Variants in SREBF2 observed in about 807,000 individuals in gnomAD.
SREBF2 encodes the protein sterol regulatory element-binding protein 2.
A neutral mutation model predicts 113.1 loss-of-function variants in SREBF2; 55 were observed. The ratio of observed to expected loss-of-function variants is 0.49; its 90% confidence interval spans 0.39 to 0.61. SREBF2 has a LOEUF of 0.61. SREBF2 is among the 20% of genes least tolerant of loss of function. The pLI is 0.00. For missense variants in SREBF2, 1,349 were observed against 1,487.4 expected, an observed-to-expected ratio of 0.91 and a Z score of 1.53; for synonymous variants, 593 against 605.7, an observed-to-expected ratio of 0.98 and a Z score of 0.31.
intron 11 of SREBF2, chr22:41,885,501 G>A (rs1238154716): frequency 5.2e-6 from 1 of 192,934 alleles, no homozygotes; most frequent in Non-Finnish European, 1.1e-5. Context: ...AAAGAAAAAT[G>A]AAATGAATAA....
rs2077502110 is a variant in SREBF2 at position 41,905,671 on chromosome 22, C to T, written c.*11C>T. On this transcript the variant is annotated 3_prime_UTR_variant, in exon 19 of 19. Coordinates refer to ENST00000361204, the MANE Select transcript of SREBF2 (RefSeq NM_004599.4). ...ATTGCCGCCTCCTGACCACCAGGCT[C>T]AGCCCACCCCTCCACCTCTCTCTCG... The T allele has an allele frequency of 3.8e-6, 6 of 1,562,854 alleles. No individual in the cohort carries two copies. The highest frequency in any genetic ancestry group is 2.7e-5 in the African/African-American group (2 of 73,620).
intron 12 of SREBF2, among the ~76,000 whole-genome samples, chr22:41,894,591 C>G (rs1477474116): frequency 6.6e-6 from 1 of 152,136 alleles, no homozygotes; most frequent in Non-Finnish European, 1.5e-5. Context: ...TCCCCCACAC[C>G]CCCTCCCCAC....
At chr22:41,894,312 G>A (rs997606561) in intron 12 of SREBF2, among the ~76,000 whole-genome samples, 7 of 152,156 alleles carry the variant, frequency 4.6e-5, no homozygotes, top group African/African-American at 1.4e-4. Context: ...AGCTATCCAA[G>A]CATTGCAAGG....
intron 1 of SREBF2, among the ~76,000 whole-genome samples, chr22:41,857,367 C>T (rs1485353270): frequency 6.6e-6 from 1 of 152,200 alleles, no homozygotes; most frequent in Non-Finnish European, 1.5e-5. Context: ...CTGCTTTTTC[C>T]TGCAGAGCTG....
In SREBF2 at chr22:41,851,379, A is replaced by G. The variant is rs114632688; in HGVS notation, c.89-15452A>G. Reference sequence around the variant, plus strand: ...ATGTTTAAAAAAAAAAACTATGGAAAGTCGGCATGGTCTGGGCTGCTTGGG... The same window carrying G: ...ATGTTTAAAAAAAAAAACTATGGAAGGTCGGCATGGTCTGGGCTGCTTGGG... On this transcript the variant is annotated intron_variant, in intron 1 of 18. Coordinates refer to ENST00000361204, the MANE Select transcript of SREBF2 (RefSeq NM_004599.4). Among the ~76,000 whole-genome samples the G allele has an allele frequency of 6.7e-3, 1,017 of 151,942 alleles. 13 individuals carry two copies. The highest frequency in any genetic ancestry group is 0.023 in the African/African-American group (941 of 41,490).
At chr22:41,886,012 T>G (rs1021305352) in intron 11 of SREBF2, 6 of 152,356 alleles carry the variant, frequency 3.9e-5, no homozygotes, top group African/African-American at 1.2e-4. Context: ...AAGAGACTCA[T>G]CCCTTGATTC....
Position 41,867,139 on chromosome 22 carries a change from C to G in SREBF2, c.397C>G (p.Pro133Ala), listed in dbSNP as rs201517405. The G allele has an allele frequency of 6.2e-7, 1 of 1,614,180 alleles. No homozygotes were observed. Among genetic ancestry groups the G allele is most frequent in the Non-Finnish European group, 8.5e-7 (1 of 1,180,028 alleles). ...TTPRATPILQPRPQPQPQPQT... is the reference protein window; with the variant it reads ...TTPRATPILQARPQPQPQPQT... ...ACCCAGGGCAACTCCTATTCTTCAGCCCCGCCCCCAGCCCCAGCCTCAACC... is the reference window on the plus strand; with the variant it reads ...ACCCAGGGCAACTCCTATTCTTCAGGCCCGCCCCCAGCCCCAGCCTCAACC... The change falls in exon 2 of 19, where the codon CCC becomes GCC. Residue 133 changes from proline (P) to alanine (A), a missense_variant. Coordinates refer to ENST00000361204, the MANE Select transcript of SREBF2 (RefSeq NM_004599.4).
chr22:41,888,527 G>A (rs572469108), intron 11 of SREBF2, among the ~76,000 whole-genome samples: 16 of 152,058 alleles, frequency 1.1e-4, no homozygotes, highest in Non-Finnish European at 1.9e-4. Flanking sequence ...TTTCTCTTAC[G>A]TCTTGATGTC....
At position 41,839,247 on chromosome 22, in the gene SREBF2, A is replaced by G. The variant is rs118177260; in HGVS notation, c.88+5889A>G. Among the ~76,000 whole-genome samples, 60 of 152,236 alleles carry G rather than the reference A, an allele frequency of 3.9e-4. No homozygotes were observed. The East Asian group carries it at 0.01, about 25-fold the overall frequency. ...GGGGAAATGATGAAAATTTATCTTAATTGTGCTGAAATTGGGGTGCCTGGG... is the reference window on the plus strand; with the variant it reads ...GGGGAAATGATGAAAATTTATCTTAGTTGTGCTGAAATTGGGGTGCCTGGG... On this transcript the variant is annotated intron_variant, in intron 1 of 18. Coordinates refer to ENST00000361204, the MANE Select transcript of SREBF2 (RefSeq NM_004599.4).
chr22:41,865,472 G>C (rs2077066383), intron 1 of SREBF2, among the ~76,000 whole-genome samples: 1 of 152,330 alleles, frequency 6.6e-6, no homozygotes, highest in Non-Finnish European at 1.5e-5. Context: ...ATATGAAAAA[G>C]AAGGGAGTCG....
At chr22:41,853,774 G>A (rs984326933) in intron 1 of SREBF2, among the ~76,000 whole-genome samples, 1 of 152,098 alleles carries the variant, frequency 6.6e-6, no homozygotes, top group Non-Finnish European at 1.5e-5. Context: ...AGTGGCTCAC[G>A]CCTGTAATCC....
intron 11 of SREBF2, 110 bp downstream of exon 11, chr22:41,885,121 C>G: frequency 7.5e-7 from 1 of 1,324,872 alleles, no homozygotes; most frequent in Non-Finnish European, 1.1e-6. Context: ...TGCTGCCCAC[C>G]TGGAGGGGTA....
intron 11 of SREBF2, among the ~76,000 whole-genome samples, chr22:41,892,053 C>T (rs1009153178): frequency 4.6e-5 from 7 of 152,286 alleles, no homozygotes; most frequent in Non-Finnish European, 7.4e-5. Context: ...TGTTCTTTCT[C>T]GCAGGCTGGT....
chr22:41,839,956 C>CTTTTTTT (rs10588397), intron 1 of SREBF2, among the ~76,000 whole-genome samples: 13 of 117,564 alleles, frequency 1.1e-4, no homozygotes, highest in Non-Finnish European at 1.2e-4. Context: ...TGCTTAGTTT[C>CTTTTTTT]TTTTTTTTTT....
chr22:41,886,696 T>G (rs1217424606), intron 11 of SREBF2, among the ~76,000 whole-genome samples: 11 of 152,138 alleles, frequency 7.2e-5, no homozygotes, highest in African/African-American at 2.7e-4. Context: ...AATCTGTCTA[T>G]TGTTCATCAT....
chr22:41,864,261 T>TATATACACAC (rs1204150898), intron 1 of SREBF2, among the ~76,000 whole-genome samples: 11 of 50,998 alleles, frequency 2.2e-4, no homozygotes, highest in Admixed American at 6.6e-4. Flanking sequence ...TATATATATA[T>TATATACACAC]ACACACACAC....
Position 41,852,099 on chromosome 22 carries a change from C to T in SREBF2, c.89-14732C>T, listed in dbSNP as rs923106781. ...TTGTGCCACTGCACTCCAGCCTGGG[C>T]GATAGAGAGAGACTCCATCTCAAAC... On this transcript the variant is annotated intron_variant, in intron 1 of 18. Transcript: ENST00000361204. Among the ~76,000 whole-genome samples the T allele has an allele frequency of 1.7e-4, 26 of 151,446 alleles. 1 individual carries two copies. The highest frequency in any genetic ancestry group is 6.3e-4 in the African/African-American group (26 of 41,268).
intron 16 of SREBF2, among the ~76,000 whole-genome samples, chr22:41,901,386 C>T (rs1485336260): frequency 6.6e-6 from 1 of 152,150 alleles, no homozygotes; most frequent in Non-Finnish European, 1.5e-5. Flanking sequence ...ACTGGCTGGA[C>T]GCGGTGGCTC....
Position 41,905,788 on chromosome 22 carries a change from A to G in SREBF2, c.*128A>G. ...TGTCACCTGCCGAGGCTTCTGGGCC[A>G]CTCAGGCCAGTGCACCCCTGGGCAG... is the stretch of plus-strand genomic sequence containing the variant. On this transcript the variant is annotated 3_prime_UTR_variant, in exon 19 of 19. Transcript: ENST00000361204. 9.2e-7 allele frequency: 1 copy of G among 1,090,782 alleles called. No individual in the cohort carries two copies. Among genetic ancestry groups the G allele is most frequent in the Non-Finnish European group, 1.4e-6 (1 of 729,476 alleles). 67.6% of individuals were successfully genotyped at this position (1,090,782 alleles called of 1,614,324 possible). A position where few individuals can be genotyped will look rare whatever the true frequency, so the allele number is the denominator to read the frequency against.
Sources: gnomAD v4.1 joint callset for allele counts (sites outside exome capture counted in the v4.1 genomes callset) on GRCh38, gnomAD v4.1.1 for gene constraint, MANE v1.5 for transcripts, NCBI Gene and HGNC (gene_info 2026-07-23, HGNC 2026-07-21) for gene names.